PTPRJ: variants seen among roughly 807,000 people sequenced by gnomAD.
PTPRJ encodes the protein protein tyrosine phosphatase receptor type J.
Under a neutral mutation model 141.3 loss-of-function variants are expected in PTPRJ, and 129 were observed. The ratio of observed to expected loss-of-function variants is 0.91; its 90% CI spans 0.79 to 1.06. The LOEUF (loss-of-function observed/expected upper bound fraction) is 1.06, where lower values mean the gene tolerates loss of function less well. Among genes scored for constraint, PTPRJ ranks in the 50% least tolerant of loss-of-function variants. PTPRJ has a pLI of 0.00. For synonymous variants in PTPRJ, 610 were observed against 640.5 expected (o/e 0.95, Z 0.72); for missense variants, 1,601 against 1,679.7 (o/e 0.95, Z 0.82).
chr11:48,129,151 C>G (rs1371785007), intron 7 of PTPRJ, among the ~76,000 whole-genome samples: 1 of 152,146 alleles, frequency 6.6e-6, no homozygotes, highest in East Asian at 1.9e-4. Context: ...CTATTTTAAC[C>G]AAAAGGGATT....
In PTPRJ at chr11:48,040,612, C is replaced by CTT. The variant is rs398055231; in HGVS notation, c.96+59619_96+59620dup. On this transcript the variant is annotated intron_variant, in intron 1 of 24. Transcript: ENST00000418331. Reference sequence around the variant, plus strand: ...TACTTTCTTTCTTCTTCTTCTTCTTCTTTTTTTTTTTTTTTTGAGACGGAG... The same window carrying CTT: ...TACTTTCTTTCTTCTTCTTCTTCTTCTTTTTTTTTTTTTTTTTTGAGACGGAG... Among the ~76,000 whole-genome samples the CTT allele has an allele frequency of 2.4e-4, 33 of 135,396 alleles. No homozygotes were observed. In the East Asian group the frequency reaches 2.7e-3, roughly 11 times the overall value. The allele number at this position is 135,396 out of a possible 152,430, so 88.8% of individuals were successfully genotyped here. A position where few individuals can be genotyped will look rare whatever the true frequency, so the allele number is the denominator to read the frequency against.
chr11:47,990,747 G>A (rs1466917129), intron 1 of PTPRJ, among the ~76,000 whole-genome samples: 6 of 148,328 alleles, frequency 4.0e-5, no homozygotes, highest in Non-Finnish European at 8.9e-5. Flanking sequence ...GTTCAGTGGC[G>A]CAATCTTGGC....
chr11:48,087,667 G>A (rs1855752124), intron 1 of PTPRJ, among the ~76,000 whole-genome samples: 1 of 152,200 alleles, frequency 6.6e-6, no homozygotes. Flanking sequence ...ATAGACGATG[G>A]TCATGAGCAC....
intron 1 of PTPRJ, among the ~76,000 whole-genome samples, chr11:48,009,940 G>C (rs961546931): frequency 2.6e-5 from 4 of 152,194 alleles, no homozygotes; most frequent in Admixed American, 2.6e-4. Flanking sequence ...CATGCCTGTT[G>C]GATACTGTTG....
At chr11:48,092,294 C>CAAAAAAAAAAAAAAAAAAAAAAA (rs3971621) in intron 1 of PTPRJ, among the ~76,000 whole-genome samples, 1 of 46,956 alleles carries the variant, frequency 2.1e-5, no homozygotes, top group Non-Finnish European at 3.9e-5. Flanking sequence ...GATTTCATCT[C>CAAAAAAAAAAAAAAAAAAAAAAA]AAAAAAAAAA....
At position 48,129,971 on chromosome 11, in the gene PTPRJ, G is replaced by T. The variant is rs555942269; in HGVS notation, c.1358-488G>T. On this transcript the variant is annotated intron_variant, in intron 7 of 24. Coordinates refer to ENST00000418331, the MANE Select transcript of PTPRJ (RefSeq NM_002843.4). ...CATTGCAACATCTAGCTCCATGGGA[G>T]CTGGGAAATGTGGTCTTTGTTTCCA... is the stretch of plus-strand genomic sequence containing the variant. 5.9e-5 allele frequency among the ~76,000 whole-genome samples: 9 copies of T among 151,726 alleles called. No homozygotes were observed. In the South Asian group the frequency reaches 1.7e-3, roughly 28 times the overall value.
At chr11:48,036,775 TCTC>T (rs2134231201) in intron 1 of PTPRJ, among the ~76,000 whole-genome samples, 2 of 152,308 alleles carry the variant, frequency 1.3e-5, no homozygotes, top group East Asian at 1.9e-4. Flanking sequence ...TGATGTGAGT[TCTC>T]CTGTCTTTTT....
At chr11:48,156,575 GGTTTT>G (rs1317649360) in intron 21 of PTPRJ, among the ~76,000 whole-genome samples, 6 of 123,544 alleles carry the variant, frequency 4.9e-5, no homozygotes, top group African/African-American at 1.5e-4. Flanking sequence ...TCCACCCCAG[GGTTTT>G]TTTTTTTTTT....
At chr11:48,073,129 G>A (rs760221732) in intron 1 of PTPRJ, among the ~76,000 whole-genome samples, 6 of 152,188 alleles carry the variant, frequency 3.9e-5, no homozygotes, top group South Asian at 2.1e-4. Flanking sequence ...CACTGGCTCT[G>A]TTTGGTTCCT....
chr11:48,112,626 A>G, intron 2 of PTPRJ, 121 bp from the exon 3 acceptor site: 4 of 744,274 alleles, frequency 5.4e-6, no homozygotes, highest in South Asian at 5.2e-5. Context: ...AAGAAGAGAA[A>G]GAGAGGGATC....
At chr11:48,023,109 A>G (rs2134214501) in intron 1 of PTPRJ, among the ~76,000 whole-genome samples, 1 of 152,290 alleles carries the variant, frequency 6.6e-6, no homozygotes, top group African/African-American at 2.4e-5. Context: ...CCTTATTTGG[A>G]TAAGGCAACC....
At chr11:48,105,790 T>A (rs773513635) in intron 1 of PTPRJ, among the ~76,000 whole-genome samples, 2 of 152,130 alleles carry the variant, frequency 1.3e-5, no homozygotes, top group Non-Finnish European at 2.9e-5. Context: ...CTGTGCCCAC[T>A]AGGAGGAGGC....
Position 48,136,657 on chromosome 11 carries a change from T to C in PTPRJ, c.1874-346T>C, listed in dbSNP as rs115372864. On this transcript the variant is annotated intron_variant, in intron 9 of 24. Coordinates refer to ENST00000418331, the MANE Select transcript of PTPRJ (RefSeq NM_002843.4). ...AACAGTTAGGGAGGTGTTTTGCGAATATTTGAATTAAATACATGGTAAAGA... is the reference window on the plus strand; with the variant it reads ...AACAGTTAGGGAGGTGTTTTGCGAACATTTGAATTAAATACATGGTAAAGA... 6.8e-3 allele frequency among the ~76,000 whole-genome samples: 1,037 copies of C among 152,368 alleles called. 14 individuals are homozygous for C. The highest frequency in any genetic ancestry group is 0.024 in the African/African-American group (998 of 41,588).
chr11:48,037,291 C>T (rs1240752246), intron 1 of PTPRJ, among the ~76,000 whole-genome samples: 2 of 152,124 alleles, frequency 1.3e-5, no homozygotes, highest in Non-Finnish European at 2.9e-5. Flanking sequence ...TCTGTATTCT[C>T]TCAGAACCAG....
chr11:48,139,610 G>C lies in PTPRJ; in HGVS notation c.2277G>C (p.Trp759Cys), dbSNP rs1177869559. ...AGCTGGAGGTCAGCAGTGGAGCCTG[G>C]AACAATGCGACCCACCTGGAGAGCT... is the stretch of plus-strand genomic sequence containing the variant. ...GFELEVSSGA[W>C]NNATHLESCS... is the part of the protein sequence containing the mutation. Residue 759 changes from tryptophan (W) to cysteine (C), a missense_variant, in exon 11 of 25, where the codon TGG (tryptophan) becomes TGC (cysteine). Coordinates refer to ENST00000418331, the MANE Select transcript of PTPRJ (RefSeq NM_002843.4). 2 of 1,614,244 alleles carry C rather than the reference G, an allele frequency of 1.2e-6. No individual in the cohort carries two copies. The highest frequency in any genetic ancestry group is 1.1e-5 in the South Asian group (1 of 91,090).
At chr11:48,053,384 A>G (rs1264603725) in intron 1 of PTPRJ, among the ~76,000 whole-genome samples, 1 of 101,084 alleles carries the variant, frequency 9.9e-6, no homozygotes, top group East Asian at 2.3e-4. Flanking sequence ...TATAAAATAT[A>G]TATAAAAATA....
intron 1 of PTPRJ, among the ~76,000 whole-genome samples, chr11:48,062,289 G>A (rs1158353275): frequency 2.0e-5 from 3 of 151,850 alleles, no homozygotes; most frequent in African/African-American, 4.8e-5. Flanking sequence ...CGAGGCGGGC[G>A]GATCATGAGG....
chr11:48,116,822 T>C (rs77007769), intron 3 of PTPRJ, among the ~76,000 whole-genome samples: 1,818 of 152,344 alleles, frequency 0.012, 34 homozygotes, highest in African/African-American at 0.041. Flanking sequence ...GAATAACTAA[T>C]GGGTTGATGA....
chr11:48,023,363 A>T (rs1455948272), intron 1 of PTPRJ, among the ~76,000 whole-genome samples: 1 of 152,140 alleles, frequency 6.6e-6, no homozygotes, highest in Non-Finnish European at 1.5e-5. Flanking sequence ...ACGCCCCTTC[A>T]TTCATTTGTA....
Sources: gnomAD v4.1 joint callset for allele counts (sites outside exome capture counted in the v4.1 genomes callset) on GRCh38, gnomAD v4.1.1 for gene constraint, MANE v1.5 for transcripts, NCBI Gene and HGNC (gene_info 2026-07-23, HGNC 2026-07-21) for gene names.